The following SLC39A8 variants were observed in gnomAD, a reference collection of about 807,000 sequenced individuals.
SLC39A8 encodes metal cation symporter ZIP8.
Under a neutral mutation model 40.4 loss-of-function variants are expected in SLC39A8, and 15 were observed. The observed-to-expected ratio is 0.37, with a 90% CI of 0.25 to 0.57. The LOEUF (loss-of-function observed/expected upper bound fraction) is 0.57. Among genes scored for constraint, SLC39A8 ranks in the 20% least tolerant of loss-of-function variants. The pLI is 0.75. For missense variants in SLC39A8, 472 were observed against 558.8 expected, an observed-to-expected ratio of 0.84 and a Z score of 1.57; for synonymous variants, 223 against 221.6, an observed-to-expected ratio of 1.01 and a Z score of -0.06.
rs1733179893 is a variant in SLC39A8, at chr4:102,286,338, C to A, written c.840+17979G>T. Among the ~76,000 whole-genome samples the A allele has an allele frequency of 3.3e-5, 5 of 152,092 alleles. No homozygotes were observed. In the South Asian group the frequency reaches 1.0e-3, roughly 32 times the overall value. On this transcript the variant is annotated intron_variant, in intron 6 of 8. Transcript: ENST00000356736. ...TTATCAATCAGCATGCATGACAGAA[C>A]AACACAGCAATTCTTCATTACACTA...
chr4:102,273,757 A>AGCAAT (rs1672611733), intron 6 of SLC39A8, among the ~76,000 whole-genome samples: 1 of 152,242 alleles, frequency 6.6e-6, no homozygotes, highest in Non-Finnish European at 1.5e-5. Context: ...AGGAGCAGAC[A>AGCAAT]GCAATCTTTG....
chr4:102,328,743 G>A (rs1036975247), intron 2 of SLC39A8, among the ~76,000 whole-genome samples: 3 of 152,052 alleles, frequency 2.0e-5, no homozygotes, highest in Admixed American at 6.5e-5. Context: ...ATAACTGCAG[G>A]GGCCGGGCAC....
At chr4:102,305,246 C>A in intron 4 of SLC39A8, 135 bp from the exon 5 acceptor site, 1 of 915,780 alleles carries the variant, frequency 1.1e-6, no homozygotes, top group Non-Finnish European at 1.6e-6. Flanking sequence ...AACTTAGCTG[C>A]CAAAAATCAC....
intron 2 of SLC39A8, 29 bp from the exon 3 acceptor site, chr4:102,315,859 T>C (rs1224267499): frequency 1.3e-6 from 2 of 1,571,244 alleles, no homozygotes. Flanking sequence ...AAAAAAAATG[T>C]GATAATAATG....
At chr4:102,308,364 T>C (rs1188850779) in intron 3 of SLC39A8, among the ~76,000 whole-genome samples, 1 of 152,108 alleles carries the variant, frequency 6.6e-6, no homozygotes, top group Non-Finnish European at 1.5e-5. Flanking sequence ...CTTTCATCTC[T>C]GGAGACCCAG....
At position 102,304,466 on chromosome 4, in the gene SLC39A8, A is replaced by G; in HGVS notation, c.691T>C (p.Phe231Leu). The G allele has an allele frequency of 6.2e-7, 1 of 1,611,012 alleles. No individual in the cohort carries two copies. Among genetic ancestry groups the G allele is most frequent in the Non-Finnish European group, 8.5e-7 (1 of 1,178,048 alleles). The change falls in exon 6 of 9, where the codon TTT (phenylalanine) becomes CTT (leucine). Residue 231 changes from phenylalanine (F) to leucine (L), a missense_variant. Around this residue, in one of 4 missense-constraint regions of SLC39A8, gnomAD observed 239 missense variants for 317.9 expected, o/e 0.75. Coordinates refer to ENST00000356736, the MANE Select transcript of SLC39A8 (RefSeq NM_001135146.2). ...KTYGQNGHTH[F>L]GNDNFGPQEK... ...TGAGGACCAAAGTTATCATTTCCAA[A>G]GTGGGTATGACCATTCTATATGGGA...
At chr4:102,298,699 C>G (rs955492441) in intron 6 of SLC39A8, among the ~76,000 whole-genome samples, 2 of 151,966 alleles carry the variant, frequency 1.3e-5, no homozygotes, top group African/African-American at 4.8e-5. Context: ...AGACATAAAA[C>G]TGCAAGGACA....
intron 6 of SLC39A8, among the ~76,000 whole-genome samples, chr4:102,301,357 C>A (rs1733917643): frequency 6.6e-6 from 1 of 151,976 alleles, no homozygotes; most frequent in African/African-American, 2.4e-5. Flanking sequence ...ATGACTGGTT[C>A]TTTCTCATTA....
intron 6 of SLC39A8, among the ~76,000 whole-genome samples, chr4:102,302,158 T>C (rs1351033148): frequency 6.6e-6 from 1 of 152,032 alleles, no homozygotes; most frequent in Non-Finnish European, 1.5e-5. Flanking sequence ...TCCTTCTCTG[T>C]AGAAGTGTAG....
At chr4:102,279,002 G>T (rs572676156) in intron 6 of SLC39A8, among the ~76,000 whole-genome samples, 2 of 151,966 alleles carry the variant, frequency 1.3e-5, no homozygotes, top group Admixed American at 6.6e-5. Flanking sequence ...TTAGTGGGGT[G>T]GGGGGCAAGG....
At chr4:102,284,028 C>T (rs1406159493) in intron 6 of SLC39A8, among the ~76,000 whole-genome samples, 4 of 152,298 alleles carry the variant, frequency 2.6e-5, no homozygotes, top group African/African-American at 9.6e-5. Flanking sequence ...CATCCCTGAC[C>T]ACCCACACTA....
chr4:102,342,317 A>G (rs913831831), intron 2 of SLC39A8, among the ~76,000 whole-genome samples: 6 of 152,222 alleles, frequency 3.9e-5, no homozygotes, highest in Non-Finnish European at 7.3e-5. Flanking sequence ...ACTGACCAAC[A>G]GGGAGAAACC....
chr4:102,251,800 G>A (rs1731598316), exon 12 of SLC39A8: 1 of 152,242 alleles, frequency 6.6e-6, no homozygotes, highest in Non-Finnish European at 1.5e-5. Context: ...TCTCATCATT[G>A]ATAGGGAGAA....
rs1170446188 is a variant in SLC39A8, at chr4:102,304,432, G to GT, written c.724dup (p.Thr242AsnfsTer5). On this transcript the variant is annotated frameshift_variant, in exon 6 of 9. Coordinates refer to ENST00000356736, the MANE Select transcript of SLC39A8 (RefSeq NM_001135146.2). LOFTEE classifies it high-confidence loss of function. ...GGCAGGTAATGCTTTAGGTTGATGA[G>GT]TTTTTTCTTGAGGACCAAAGTTATC... 1 of 1,611,506 alleles carries GT rather than the reference G, an allele frequency of 6.2e-7. No homozygotes were observed. The highest frequency in any genetic ancestry group is 1.1e-5 in the South Asian group (1 of 90,954).
chr4:102,257,157 CT>C (rs1210784133), downstream of SLC39A8, among the ~76,000 whole-genome samples: 324 of 143,366 alleles, frequency 2.3e-3, no homozygotes, highest in East Asian at 2.2e-3. Flanking sequence ...TTTTCTATGT[CT>C]TTTTTTTTTT....
chr4:102,278,955 C>T (rs1004537365), intron 6 of SLC39A8, among the ~76,000 whole-genome samples: 16 of 150,950 alleles, frequency 1.1e-4, no homozygotes, highest in East Asian at 9.8e-4. Flanking sequence ...TGAGAACTTA[C>T]GGGCACAGGG....
intron 6 of SLC39A8, among the ~76,000 whole-genome samples, chr4:102,296,052 G>T (rs1733665840): frequency 6.6e-6 from 1 of 152,090 alleles, no homozygotes; most frequent in Admixed American, 6.6e-5. Flanking sequence ...CTTCCATTAA[G>T]AGAGAGTAAA....
intron 6 of SLC39A8, among the ~76,000 whole-genome samples, chr4:102,281,296 A>G (rs2149015942): frequency 6.6e-6 from 1 of 152,350 alleles, no homozygotes; most frequent in South Asian, 2.1e-4. Flanking sequence ...GAATATCTAC[A>G]CTGATCAGCC....
chr4:102,331,371 C>A (rs1336519523), intron 2 of SLC39A8, among the ~76,000 whole-genome samples: 1 of 152,092 alleles, frequency 6.6e-6, no homozygotes. Flanking sequence ...TTCCTATACA[C>A]CAATAACAGA....
Sources: gnomAD v4.1 joint callset for allele counts (sites outside exome capture counted in the v4.1 genomes callset) on GRCh38, gnomAD v4.1.1 for gene constraint, gnomAD v4.1.1 regional missense constraint, MANE v1.5 for transcripts, NCBI Gene and HGNC (gene_info 2026-07-23, HGNC 2026-07-21) for gene names.